Variants in SOX5 observed in about 807,000 individuals in gnomAD.
SOX5 encodes the protein transcription factor SOX-5.
In SOX5, 9 loss-of-function variants were observed where a neutral mutation model predicts 92.0. That is an observed-to-expected ratio of 0.10 (90% CI 0.06 to 0.17). SOX5 has a LOEUF of 0.17. Ranked by LOEUF, SOX5 falls within the 10% of genes least tolerant of loss-of-function variation. The probability of loss-of-function intolerance (pLI) is 1.00; values close to 1 mark genes in which losing one functional copy is unlikely to be tolerated. For missense variants in SOX5, 642 were observed against 944.5 expected (o/e 0.68, Z 4.20); for synonymous variants, 344 against 336.3 (o/e 1.02, Z -0.25).
chr12:24,045,088 T>C (rs1208837594), intron 4 of SOX5, among the ~76,000 whole-genome samples: 1 of 152,154 alleles, frequency 6.6e-6, no homozygotes, highest in African/African-American at 2.4e-5. Flanking sequence ...GTTATGGCCA[T>C]GCATAGCCTC....
At chr12:24,139,289 G>A (rs935701526) in intron 4 of SOX5, among the ~76,000 whole-genome samples, 5 of 152,166 alleles carry the variant, frequency 3.3e-5, no homozygotes, top group Admixed American at 6.6e-5. Context: ...GAGCCCGGCT[G>A]TAATGGCTGT....
intron 2 of SOX5, among the ~76,000 whole-genome samples, chr12:23,853,110 T>TTATATATATATATACATA (rs2096650519): frequency 6.8e-6 from 1 of 147,560 alleles, no homozygotes; most frequent in African/African-American, 2.5e-5. Flanking sequence ...CATGCAAAAA[T>TTATATATATATATACATA]TATATATATA....
At chr12:24,176,071 C>T (rs972984877) in intron 4 of SOX5, among the ~76,000 whole-genome samples, 2 of 152,152 alleles carry the variant, frequency 1.3e-5, no homozygotes, top group Non-Finnish European at 2.9e-5. Context: ...TGACTCACAC[C>T]TGTAATTCCA....
At chr12:24,373,228 A>G (rs928263892) in intron 1 of SOX5, among the ~76,000 whole-genome samples, 10 of 152,194 alleles carry the variant, frequency 6.6e-5, no homozygotes, top group African/African-American at 2.4e-4. Flanking sequence ...TAGTTTTTCT[A>G]GAATATGTTT....
intron 3 of SOX5, among the ~76,000 whole-genome samples, chr12:23,807,048 C>T (rs1727845624): frequency 2.6e-5 from 4 of 152,290 alleles, no homozygotes; most frequent in South Asian, 4.1e-4. Flanking sequence ...TAAAAGTCCA[C>T]TTAGTTGGAG....
chr12:23,742,025 A>G (rs527420253), intron 4 of SOX5, among the ~76,000 whole-genome samples: 1 of 152,294 alleles, frequency 6.6e-6, no homozygotes, highest in African/African-American at 2.4e-5. Flanking sequence ...TACCAGTAGG[A>G]GAGAACACCC....
chr12:24,126,824 G>T (rs2138417638), intron 4 of SOX5, among the ~76,000 whole-genome samples: 1 of 152,094 alleles, frequency 6.6e-6, no homozygotes, highest in Middle Eastern at 3.4e-3. Context: ...TGGGGTCACT[G>T]AACATGATGG....
chr12:24,186,215 A>T lies in SOX5; in HGVS notation c.-2+27128T>A, dbSNP rs147795946. On this transcript the variant is annotated intron_variant, in intron 4 of 4. Coordinates refer to the SOX5 transcript ENST00000446891. ...AACAACACTGGAAGGACATCAAGGT[A>T]GCAAAATATTTAGAGAATTCTGAGT... Among the ~76,000 whole-genome samples, 279 of 152,318 alleles carry T rather than the reference A, an allele frequency of 1.8e-3. 3 individuals are homozygous for T. The highest frequency in any genetic ancestry group is 6.1e-3 in the African/African-American group (253 of 41,584).
intron 4 of SOX5, among the ~76,000 whole-genome samples, chr12:24,174,510 G>T (rs543829580): frequency 3.2e-4 from 12 of 37,870 alleles, no homozygotes; most frequent in African/African-American, 9.7e-4. Flanking sequence ...TACAGAATGA[G>T]TGGGGGGGGG....
chr12:24,263,179 T>G (rs1942432104), intron 3 of SOX5, among the ~76,000 whole-genome samples: 1 of 151,662 alleles, frequency 6.6e-6, no homozygotes, highest in East Asian at 1.9e-4. Context: ...GAGCCAAGAT[T>G]GCACCACTGC....
intron 1 of SOX5, among the ~76,000 whole-genome samples, chr12:24,481,799 C>T (rs1046738350): frequency 1.3e-5 from 2 of 152,276 alleles, no homozygotes; most frequent in South Asian, 2.1e-4. Flanking sequence ...TGCCATGCTG[C>T]TTTCTCAGCA....
At chr12:24,324,426 ATTC>A (rs1342790248) in intron 2 of SOX5, among the ~76,000 whole-genome samples, 1 of 152,116 alleles carries the variant, frequency 6.6e-6, no homozygotes, top group African/African-American at 2.4e-5. Context: ...CGATCTTGAA[ATTC>A]TTCTTTAGAA....
chr12:24,540,797 A>G (rs1398349110), intron 1 of SOX5, among the ~76,000 whole-genome samples: 1 of 152,170 alleles, frequency 6.6e-6, no homozygotes, highest in Non-Finnish European at 1.5e-5. Context: ...ATTATAGTGC[A>G]ATCGTTGTTT....
intron 1 of SOX5, among the ~76,000 whole-genome samples, chr12:23,942,470 C>T (rs1213885541): frequency 6.6e-6 from 1 of 151,902 alleles, no homozygotes; most frequent in East Asian, 1.9e-4. Context: ...TTGGGTCTAC[C>T]TCTTGTTTTA....
At chr12:24,474,347 A>G (rs1945122936) in intron 1 of SOX5, among the ~76,000 whole-genome samples, 1 of 152,240 alleles carries the variant, frequency 6.6e-6, no homozygotes, top group Non-Finnish European at 1.5e-5. Context: ...CTTACAAAGA[A>G]GAAAACTGAT....
intron 3 of SOX5, among the ~76,000 whole-genome samples, chr12:23,808,117 AT>A (rs2095813947): frequency 3.6e-5 from 1 of 27,406 alleles, no homozygotes; most frequent in Non-Finnish European, 8.1e-5. Context: ...GAATTCTGAT[AT>A]ATATATATAT....
In SOX5 at chr12:24,254,719, AT is replaced by A. The variant is rs1204724814; in HGVS notation, c.-77+22496del. ...ATTCTTTTTTCTTTGGGCTGCTCAA[AT>A]ATATATATATATATATATTTCCTAT... On this transcript the variant is annotated intron_variant, in intron 3 of 4. Transcript: ENST00000446891. 4.7e-3 allele frequency among the ~76,000 whole-genome samples: 7 copies of A among 1,494 alleles called. No individual in the cohort carries two copies. The Admixed American group carries it at 0.17, about 37-fold the overall frequency. 1.0% of individuals were successfully genotyped at this position (1,494 alleles called of 152,430 possible).
chr12:23,530,835 G>GCGCA lies in SOX5; in HGVS notation c.*3383_*3384insTGCG, dbSNP rs929193424. 2.7e-5 allele frequency: 4 copies of GCGCA among 149,906 alleles called. No individual in the cohort carries two copies. The highest frequency in any genetic ancestry group is 5.9e-5 in the Non-Finnish European group (4 of 67,326). The allele number at this position is 149,906 out of a possible 1,614,324, so 9.3% of individuals were successfully genotyped here. On this transcript the variant is annotated 3_prime_UTR_variant, in exon 15 of 15. Coordinates refer to ENST00000451604, the MANE Select transcript of SOX5 (RefSeq NM_006940.6). ...TGTGTGTGTGCGCGCGCGCGCGCGC[G>GCGCA]CATGTGAGAGAGAGAGAGAAAGGGA... is the stretch of plus-strand genomic sequence containing the variant.
chr12:23,890,547 G>GCACCAAAACGGT (rs112481946), intron 2 of SOX5, among the ~76,000 whole-genome samples: 1 of 151,844 alleles, frequency 6.6e-6, no homozygotes, highest in South Asian at 2.1e-4. Context: ...CAGAAAACGG[G>GCACCAAAACGGT]CACCAAAACG....
Sources: allele counts gnomAD v4.1 joint callset (sites outside exome capture counted in the v4.1 genomes callset), GRCh38; gene constraint gnomAD v4.1.1; transcripts MANE v1.5; gene names NCBI Gene and HGNC (gene_info 2026-07-23, HGNC 2026-07-21).